The following MYH6 variants were observed in gnomAD, a reference collection of about 807,000 sequenced individuals.
The protein encoded by MYH6 is myosin-6.
MYH6 carries 126 observed loss-of-function variants against 223.2 expected under a neutral mutation model. The observed-to-expected ratio is 0.56, with a 90% confidence interval of 0.49 to 0.65. The LOEUF (loss-of-function observed/expected upper bound fraction) is 0.65, where lower values mean the gene tolerates loss of function less well. Ranked by LOEUF, MYH6 falls within the 30% of genes least tolerant of loss-of-function variation. MYH6 has a pLI of 0.00. For missense variants in MYH6, 2,040 were observed against 2,536.4 expected, an observed-to-expected ratio of 0.80 and a Z score of 4.20; for synonymous variants, 978 against 1,010.2, an observed-to-expected ratio of 0.97 and a Z score of 0.61.
In MYH6 at chr14:23,389,801, A is replaced by G. The variant is rs1891175659; in HGVS notation, c.3733-82T>C. 6 of 1,608,016 alleles carry G rather than the reference A, an allele frequency of 3.7e-6. No homozygotes were observed. In the Admixed American group the frequency reaches 8.3e-5, roughly 22 times the overall value. ...AGGAAGAGAGGGTCAGAGATGGGGA[A>G]TGCCAGAGGGCAGGAGGGGGACACA... On this transcript the variant is annotated intron_variant, in intron 26 of 38. Coordinates refer to ENST00000405093, the MANE Select transcript of MYH6 (RefSeq NM_002471.4).
At chr14:23,403,224 G>A in intron 10 of MYH6, 124 bp downstream of exon 10, 1 of 845,908 alleles carries the variant, frequency 1.2e-6, no homozygotes, top group Admixed American at 1.7e-5. Context: ...GTGAGTGGAG[G>A]GAGAAGGGAA....
rs1389383829 is a variant in MYH6, at chr14:23,396,953, T to A, written c.2168+10A>T. ...CTGTTCTATGAGCTCTGGGGCACCC[T>A]CATACCCACCTCTGCCGGAAGTCCC... On this transcript the variant is annotated intron_variant, in intron 18 of 38. Coordinates refer to ENST00000405093, the MANE Select transcript of MYH6 (RefSeq NM_002471.4). 9 of 1,612,432 alleles carry A rather than the reference T, an allele frequency of 5.6e-6. No homozygotes were observed. Among genetic ancestry groups the A allele is most frequent in the Non-Finnish European group, 7.6e-6 (9 of 1,179,948 alleles).
chr14:23,400,572 G>A (rs1352428842), intron 13 of MYH6, 137 bp downstream of exon 13: 28 of 1,580,128 alleles, frequency 1.8e-5, no homozygotes, highest in Admixed American at 1.1e-4. Context: ...CTGAAGACAG[G>A]GACAATGACT....
chr14:23,398,232 G>T (rs1484402129), intron 15 of MYH6, among the ~76,000 whole-genome samples: 2 of 151,974 alleles, frequency 1.3e-5, no homozygotes, highest in Non-Finnish European at 2.9e-5. Context: ...TGACCAGACT[G>T]GTCTCGAACT....
chr14:23,408,043 G>A (rs1162011433), intron 1 of MYH6, among the ~76,000 whole-genome samples: 1 of 152,198 alleles, frequency 6.6e-6, no homozygotes, highest in African/African-American at 2.4e-5. Context: ...AGAAAGAAAT[G>A]GAGAGTCAGA....
At position 23,392,524 on chromosome 14, in the gene MYH6, T is replaced by G; in HGVS notation, c.3342+38A>C. 4.1e-6 allele frequency: 6 copies of G among 1,452,074 alleles called. No homozygotes were observed. In the South Asian group the frequency reaches 4.5e-5, roughly 11 times the overall value. The allele number at this position is 1,452,074 out of a possible 1,614,324, so 89.9% of individuals were successfully genotyped here. ...TGCAGCCTCAGTTACCTCAGGGCTATTGAGCTCCCACTTTCATGCACTGGG... is the reference window on the plus strand; with the variant it reads ...TGCAGCCTCAGTTACCTCAGGGCTAGTGAGCTCCCACTTTCATGCACTGGG... On this transcript the variant is annotated intron_variant, in intron 25 of 38. Transcript: ENST00000405093.
In MYH6 at chr14:23,405,233, G is replaced by A. The variant is rs201380776; in HGVS notation, c.492C>T (p.Tyr164=). Residue 164 remains tyrosine, a synonymous_variant, in exon 5 of 39, where the codon TAC becomes TAT. Transcript: ENST00000405093. This position sits in a 1 kb window ranked among gnomAD's most constrained non-coding sequence, Gnocchi z 4.7. Reference sequence around the variant, plus strand: ...GGCCACCAGGCTCACCTGTCAGCATGTACTGATAGGCGTTGTCGGAGATGG... The same window carrying A: ...GGCCACCAGGCTCACCTGTCAGCATATACTGATAGGCGTTGTCGGAGATGG... ...IFSISDNAYQ[Y]MLTDRENQSI... is the part of the protein sequence containing the mutation. 110 of 1,614,160 alleles carry A rather than the reference G, an allele frequency of 6.8e-5. 2 individuals carry two copies. The African/African-American group carries it at 1.3e-3, about 19-fold the overall frequency.
In MYH6 at chr14:23,393,797, C is replaced by T; in HGVS notation, c.2797G>A (p.Glu933Lys). 1 of 1,614,272 alleles carries T rather than the reference C, an allele frequency of 6.2e-7. No homozygotes were observed. Reference protein sequence around the residue: ...EMNERLEDEEEMNAELTAKKR... With the variant: ...EMNERLEDEEKMNAELTAKKR... ...TTGGCAGTGAGCTCCGCGTTCATCT[C>T]CTCCTCATCCTCCAGCCTCTCATTC... The change falls in exon 22 of 39, where the codon GAG becomes AAG. Residue 933 changes from glutamate to lysine, a missense_variant. Physicochemically the swap from Glu to Lys is moderately conservative, Grantham distance 56. Transcript: ENST00000405093.
chr14:23,389,942 C>G, intron 26 of MYH6, 115 bp downstream of exon 26: 1 of 1,598,874 alleles, frequency 6.3e-7, no homozygotes, highest in Non-Finnish European at 8.6e-7. Context: ...GAAGAGAGAC[C>G]AAAGGGTGAT....
At chr14:23,399,566 G>A (rs527699728) in intron 14 of MYH6, 7 of 201,976 alleles carry the variant, frequency 3.5e-5, no homozygotes, top group South Asian at 9.8e-5. Flanking sequence ...ACACACACAC[G>A]TACACACACA....
In MYH6 at chr14:23,389,149, C is replaced by G. The variant is rs1482840785; in HGVS notation, c.3979-94G>C. 2.8e-6 allele frequency: 4 copies of G among 1,415,092 alleles called. No individual in the cohort carries two copies. In the African/African-American group the frequency reaches 5.7e-5, roughly 20 times the overall value. The allele number at this position is 1,415,092 out of a possible 1,614,324, so 87.7% of individuals were successfully genotyped here. On this transcript the variant is annotated intron_variant, in intron 28 of 38. Coordinates refer to ENST00000405093, the MANE Select transcript of MYH6 (RefSeq NM_002471.4). ...TATGTAGTACTTCAACCAAGCCCAGCCTTATTCACCATGTGGGCTGATGTG... is the reference window on the plus strand; with the variant it reads ...TATGTAGTACTTCAACCAAGCCCAGGCTTATTCACCATGTGGGCTGATGTG...
intron 34 of MYH6, 134 bp from the exon 35 acceptor site, chr14:23,385,175 GT>G: frequency 9.6e-7 from 1 of 1,045,314 alleles, no homozygotes; most frequent in Admixed American, 2.0e-5. Flanking sequence ...ACTATTGATC[GT>G]TTTGTACCTG....
chr14:23,404,846 A>G, intron 6 of MYH6, 24 bp from the exon 7 acceptor site: 1 of 1,603,938 alleles, frequency 6.2e-7, no homozygotes, highest in Non-Finnish European at 8.5e-7. Flanking sequence ...AGACCAATCA[A>G]AACTCAGGAT....
chr14:23,384,977 A>C lies in MYH6; in HGVS notation c.5228T>G (p.Val1743Gly). 1 of 1,614,154 alleles carries C rather than the reference A, an allele frequency of 6.2e-7. No individual in the cohort carries two copies. The highest frequency in any genetic ancestry group is 8.5e-7 in the Non-Finnish European group (1 of 1,180,032). Reference sequence around the variant, plus strand: ...TCTGCACTCCTGCACTGCCTCCTCCACTTCCGACTGGAGCTGGGTCAGATC... The same window carrying C: ...TCTGCACTCCTGCACTGCCTCCTCCCCTTCCGACTGGAGCTGGGTCAGATC... ...ESDLTQLQSEVEEAVQECRNA... is the reference protein window; with the variant it reads ...ESDLTQLQSEGEEAVQECRNA... Residue 1743 changes from valine to glycine, a missense_variant, in exon 35 of 39, where the codon GTG becomes GGG. Transcript: ENST00000405093.
At chr14:23,404,618 C>A (rs2138618654) in intron 7 of MYH6, 93 bp downstream of exon 7, 1 of 1,292,808 alleles carries the variant, frequency 7.7e-7, no homozygotes, top group Non-Finnish European at 1.1e-6. Flanking sequence ...TGTGGCTGTC[C>A]CCACCACGTC....
intron 32 of MYH6, 128 bp from the exon 33 acceptor site, chr14:23,386,751 T>C (rs1157449906): frequency 8.5e-7 from 1 of 1,179,784 alleles, no homozygotes; most frequent in Non-Finnish European, 1.2e-6. Flanking sequence ...GATGGGGAGG[T>C]GGGATCTGCA....
rs369858520 is a variant in MYH6 at position 23,404,707 on chromosome 14, G to A, written c.642+4C>T. The stretch of plus-strand genomic sequence containing the variant: ...TTCTGCCGAGCCTGTGTCCCCCATG[G>A]CACCTTGTTCGCATTGGCATTGTCC... On this transcript the variant is annotated splice_donor_region_variant and intron_variant, in intron 7 of 38. Coordinates refer to ENST00000405093, the MANE Select transcript of MYH6 (RefSeq NM_002471.4). 1.5e-5 allele frequency: 25 copies of A among 1,613,308 alleles called. No individual in the cohort carries two copies. The African/African-American group carries it at 2.5e-4, about 16-fold the overall frequency.
In MYH6 at chr14:23,402,760, G is replaced by A. The variant is rs372589578; in HGVS notation, c.939C>T (p.Phe313=). ...LVTNNPYDYA[F]VSQGEVSVAS... is the part of the protein sequence containing the mutation. The stretch of plus-strand genomic sequence containing the variant: ...CCACGGACACCTCTCCCTGAGACAC[G>A]AAGGCGTAGTCGTAGGGATTGTTGG... Residue 313 remains phenylalanine, a synonymous_variant, in exon 11 of 39, where the codon TTC becomes TTT. Coordinates refer to ENST00000405093, the MANE Select transcript of MYH6 (RefSeq NM_002471.4). The A allele has an allele frequency of 3.7e-5, 60 of 1,613,582 alleles. No homozygotes were observed. In the Admixed American group the frequency reaches 5.8e-4, roughly 16 times the overall value.
Position 23,388,873 on chromosome 14 carries a change from C to G in MYH6, c.4161G>C (p.Glu1387Asp). The change falls in exon 29 of 39, where the codon GAG becomes GAC. Residue 1387 changes from glutamate to aspartate, a missense_variant. By Grantham distance (45) the Glu-to-Asp change is conservative. Coordinates refer to ENST00000405093, the MANE Select transcript of MYH6 (RefSeq NM_002471.4). ...CTGGAGCTCACTTGGCCTCTTCGAG[C>G]TCCTCAGTCCGCTGAATGGCGTCCG... Reference protein sequence around the residue: ...YETDAIQRTEELEEAKKKLAQ... With the variant: ...YETDAIQRTEDLEEAKKKLAQ... The G allele has an allele frequency of 6.2e-7, 1 of 1,613,828 alleles. No homozygotes were observed. Among genetic ancestry groups the G allele is most frequent in the Non-Finnish European group, 8.5e-7 (1 of 1,180,042 alleles).
Sources: allele counts gnomAD v4.1 joint callset (sites outside exome capture counted in the v4.1 genomes callset), GRCh38; gene constraint gnomAD v4.1.1; non-coding constraint Gnocchi (gnomAD v3.1); transcripts MANE v1.5; gene names NCBI Gene and HGNC (gene_info 2026-07-23, HGNC 2026-07-21).